Variants in MASP1 observed in about 807,000 individuals in gnomAD.
MASP1 encodes MBL associated serine protease 1, also known as mannan-binding lectin serine protease 1.
A neutral mutation model predicts 77.1 loss-of-function variants in MASP1; 59 were observed. The ratio of observed to expected loss-of-function variants is 0.77; its 90% confidence interval spans 0.62 to 0.95. The LOEUF is 0.95. Ranked by LOEUF, MASP1 falls within the 40% of genes least tolerant of loss-of-function variation. The pLI is 0.00. For missense variants in MASP1, 885 were observed against 912.9 expected, an observed-to-expected ratio of 0.97 and a Z score of 0.39; for synonymous variants, 362 against 354.5, an observed-to-expected ratio of 1.02 and a Z score of -0.24.
downstream of MASP1, among the ~76,000 whole-genome samples, chr3:187,232,409 C>T (rs982823332): frequency 1.3e-5 from 2 of 152,092 alleles, no homozygotes; most frequent in African/African-American, 4.8e-5. Context: ...TTAAATCTGC[C>T]CTGTCCTCTA....
At chr3:187,249,277 C>T (rs778974192) in intron 8 of MASP1, among the ~76,000 whole-genome samples, 37 of 152,136 alleles carry the variant, frequency 2.4e-4, no homozygotes, top group African/African-American at 3.9e-4. Context: ...AGGCTGGTCT[C>T]GGACTCCGGA....
At chr3:187,265,642 T>C (rs1458351427) in intron 2 of MASP1, among the ~76,000 whole-genome samples, 2 of 152,186 alleles carry the variant, frequency 1.3e-5, no homozygotes, top group African/African-American at 4.8e-5. Context: ...TATTTCTATC[T>C]GCCTCCTTCT....
chr3:187,221,629 C>A lies in MASP1; in HGVS notation c.1810-495G>T, dbSNP rs114339673. 6.1e-3 allele frequency among the ~76,000 whole-genome samples: 932 copies of A among 152,260 alleles called. 3 individuals are homozygous for A. The highest frequency in any genetic ancestry group is 0.022 in the African/African-American group (896 of 41,552). On this transcript the variant is annotated intron_variant, in intron 14 of 15. Coordinates refer to the MASP1 transcript ENST00000337774. ...ATTGTACAAAGAGGAGAGGCAGGAA[C>A]AAGTGCTTTGTAAACTACACACACT...
At chr3:187,278,350 G>A (rs549841207) in intron 2 of MASP1, among the ~76,000 whole-genome samples, 19 of 152,234 alleles carry the variant, frequency 1.2e-4, no homozygotes, top group Admixed American at 3.3e-4. Context: ...TGAGGAAGAC[G>A]TTGTATTCAT....
In MASP1 at chr3:187,234,192, A is replaced by G. The variant is rs1315189043; in HGVS notation, c.*1492T>C. 1.6e-6 allele frequency: 2 copies of G among 1,287,058 alleles called. No homozygotes were observed. The highest frequency in any genetic ancestry group is 2.5e-5 in the South Asian group (2 of 80,926). 79.7% of individuals were successfully genotyped at this position (1,287,058 alleles called of 1,614,324 possible). Reference sequence around the variant, plus strand: ...TATGATATAAAAGATACAAAATATAACATCATTTACATGTGCCATTCATAG... The same window carrying G: ...TATGATATAAAAGATACAAAATATAGCATCATTTACATGTGCCATTCATAG... On this transcript the variant is annotated 3_prime_UTR_variant, in exon 11 of 11. Transcript: ENST00000296280.
At chr3:187,227,034 G>A (rs1305968393) in intron 11 of MASP1, among the ~76,000 whole-genome samples, 1 of 152,222 alleles carries the variant, frequency 6.6e-6, no homozygotes, top group Non-Finnish European at 1.5e-5. Flanking sequence ...TAAAATTGAT[G>A]AATCCGAAGC....
intron 2 of MASP1, chr3:187,263,056 G>T: frequency 6.3e-6 from 2 of 316,696 alleles, no homozygotes; most frequent in East Asian, 8.0e-5. Flanking sequence ...CTGCACAACA[G>T]GAACTTACCA....
chr3:187,259,310 T>C (rs969026943), intron 4 of MASP1, among the ~76,000 whole-genome samples: 1 of 152,296 alleles, frequency 6.6e-6, no homozygotes, highest in Admixed American at 6.5e-5. Flanking sequence ...AAGGTGAAGA[T>C]GGAAGTCTCC....
At chr3:187,286,145 G>T in intron 1 of MASP1, 89 bp from the exon 2 acceptor site, 1 of 1,049,876 alleles carries the variant, frequency 9.5e-7, no homozygotes, top group Non-Finnish European at 1.5e-6. Context: ...CAAGATCTCA[G>T]CATGTCTCTG....
At chr3:187,283,654 G>T (rs558249382) in intron 2 of MASP1, among the ~76,000 whole-genome samples, 1 of 152,124 alleles carries the variant, frequency 6.6e-6, no homozygotes, top group Non-Finnish European at 1.5e-5. Flanking sequence ...AAAGCTATTG[G>T]CACTGACAAA....
rs3774266 is a variant in MASP1, at chr3:187,220,136, C to T, written c.2035G>A (p.Gly679Arg). Residue 679 changes from glycine to arginine, a missense_variant, in exon 16 of 16, where the codon GGA becomes AGA. By Grantham distance (125) the Gly-to-Arg change is moderately radical (BLOSUM62 -2). Coordinates refer to the MASP1 transcript ENST00000337774. ...TTGTGGTGGATGTAAGAGTATACTC[C>T]GTAGCGGTCCTTCTTCCCACAGTCA... The T allele has an allele frequency of 1.0e-4, 163 of 1,614,174 alleles. No individual in the cohort carries two copies. In the East Asian group the frequency reaches 2.8e-3, roughly 28 times the overall value.
At chr3:187,269,702 C>A (rs1399473187) in intron 2 of MASP1, among the ~76,000 whole-genome samples, 1 of 152,188 alleles carries the variant, frequency 6.6e-6, no homozygotes, top group Non-Finnish European at 1.5e-5. Context: ...TACTATGGAG[C>A]AGTAATTGCT....
At chr3:187,251,556 C>A (rs1329502238) in intron 7 of MASP1, 78 bp downstream of exon 7, 19 of 1,114,478 alleles carry the variant, frequency 1.7e-5, no homozygotes, top group Non-Finnish European at 2.1e-5. Flanking sequence ...TTCTGGCAGC[C>A]CATCTGCCCT....
rs16861801 is a variant in MASP1 at position 187,260,787 on chromosome 3, G to C, written c.501C>G (p.Ser167=). 279 of 1,614,064 alleles carry C rather than the reference G, an allele frequency of 1.7e-4. No homozygotes were observed. The African/African-American group carries it at 3.2e-3, about 18-fold the overall frequency. The change falls in exon 4 of 11, where the codon TCC becomes TCG. Residue 167 remains serine, a synonymous_variant. Coordinates refer to ENST00000296280, the MANE Select transcript of MASP1 (RefSeq NM_139125.4). ...TGTGGAGGATGTAGCCGAAGCGGCA[G>C]GAGCAGTAGTAGCCGCCAATGTAGT... ...CHNYIGGYYC[S]CRFGYILHTD...
At chr3:187,217,365 A>T (rs1711831317) in exon 16 of MASP1, 1 of 152,238 alleles carries the variant, frequency 6.6e-6, no homozygotes, top group Non-Finnish European at 1.5e-5. Context: ...AAATCCGGGC[A>T]TGATTATTAT....
intron 1 of MASP1, among the ~76,000 whole-genome samples, chr3:187,289,003 A>G (rs1331596558): frequency 2.6e-5 from 4 of 152,196 alleles, no homozygotes; most frequent in Admixed American, 1.3e-4. Flanking sequence ...ATTGAAGAAT[A>G]TAAGTGGCAG....
chr3:187,231,490 A>G (rs1026203422), downstream of MASP1, among the ~76,000 whole-genome samples: 13 of 152,360 alleles, frequency 8.5e-5, no homozygotes, highest in Middle Eastern at 3.4e-3. Context: ...CATGTACTGC[A>G]CAAACTTGGA....
At chr3:187,282,428 T>C (rs148985196) in intron 2 of MASP1, among the ~76,000 whole-genome samples, 1,587 of 123,434 alleles carry the variant, frequency 0.013, 26 homozygotes, top group Admixed American at 0.036. Flanking sequence ...ACCCGGGAGG[T>C]GGAGTTTGCA....
intron 2 of MASP1, among the ~76,000 whole-genome samples, chr3:187,282,575 C>A (rs757390580): frequency 1.2e-4 from 18 of 147,172 alleles, no homozygotes; most frequent in Middle Eastern, 3.3e-3. Flanking sequence ...AGATGAGATG[C>A]GTCCCCAGAG....
Sources: allele counts gnomAD v4.1 joint callset (sites outside exome capture counted in the v4.1 genomes callset), GRCh38; gene constraint gnomAD v4.1.1; transcripts MANE v1.5; gene names NCBI Gene and HGNC (gene_info 2026-07-23, HGNC 2026-07-21).